LENG9: variants seen among roughly 807,000 people sequenced by gnomAD.
LENG9 encodes leukocyte receptor cluster (LRC) member 9.
For synonymous variants in LENG9, 410 were observed against 303.9 expected, an observed-to-expected ratio of 1.35 and a Z score of -3.63; for missense variants, 872 against 652.7, an observed-to-expected ratio of 1.34 and a Z score of -3.66.
rs1310374518 is a variant in LENG9 at position 54,462,521 on chromosome 19, G to C, written c.1006C>G (p.Gln336Glu). ...AGGGCCAGGGTCAGGTGTAGGTTCT[G>C]AGAGGGCACTAGGAAGTTGGCGCAG... ...PHCANFLVPS[Q>E]NLHLTLALLR... The change falls in exon 1 of 1, where the codon CAG (glutamine) becomes GAG (glutamate). Residue 336 changes from glutamine (Q) to glutamate (E), a missense_variant. Physicochemically the swap from Gln to Glu is conservative, Grantham distance 29 (BLOSUM62 2). Coordinates refer to ENST00000611161, the MANE Select transcript of LENG9 (RefSeq NM_001301782.2). 1.2e-6 allele frequency: 2 copies of C among 1,613,640 alleles called. No homozygotes were observed. The highest frequency in any genetic ancestry group is 8.5e-7 in the Non-Finnish European group (1 of 1,180,022).
chr19:54,462,571 T>TC lies in LENG9; in HGVS notation c.955dup (p.Glu319GlyfsTer60), dbSNP rs1461222418. The TC allele has an allele frequency of 6.2e-7, 1 of 1,613,766 alleles. No individual in the cohort carries two copies. The highest frequency in any genetic ancestry group is 8.5e-7 in the Non-Finnish European group (1 of 1,180,020). ...GTGTGGGGCCACGTGGACCAGGTAT[T>TC]CCTGGGCCTTGGTCACTTCTGCTTG... is the stretch of plus-strand genomic sequence containing the variant. On this transcript the variant is annotated frameshift_variant, in exon 1 of 1. Coordinates refer to ENST00000611161, the MANE Select transcript of LENG9 (RefSeq NM_001301782.2). LOFTEE classifies it low-confidence loss of function (END_TRUNC).
rs773169327 is a variant in LENG9 at position 54,462,406 on chromosome 19, C to G, written c.1121G>C (p.Arg374Pro). The G allele has an allele frequency of 4.3e-6, 7 of 1,613,202 alleles. No homozygotes were observed. The African/African-American group carries it at 5.3e-5, about 12-fold the overall frequency. ...LLAPGLNAPP[R>P]LSFRKLVLLG... ...GAGGACCAGCTTTCTAAAGCTCAGCCGAGGGGGTGCATTTAGCCCCGGGGC... is the reference window on the plus strand; with the variant it reads ...GAGGACCAGCTTTCTAAAGCTCAGCGGAGGGGGTGCATTTAGCCCCGGGGC... Residue 374 changes from arginine to proline, a missense_variant, in exon 1 of 1, where the codon CGG becomes CCG. By Grantham distance (103) the Arg-to-Pro change is moderately radical. Coordinates refer to ENST00000611161, the MANE Select transcript of LENG9 (RefSeq NM_001301782.2).
chr19:54,463,060 G>A lies in LENG9; in HGVS notation c.467C>T (p.Pro156Leu), dbSNP rs368868996. Residue 156 changes from proline to leucine, a missense_variant, in exon 1 of 1, where the codon CCC becomes CTC. By Grantham distance (98) the Pro-to-Leu change is moderately conservative. Transcript: ENST00000611161. The stretch of plus-strand genomic sequence containing the variant: ...GGTGTTCGGTGCGTCCAGGATGGTG[G>A]GCCCGCGTCCCGCCGCCGAGCCAGA... The part of the protein sequence containing the change: ...FGSGSAAGRG[P>L]TILDAPNTEG... The A allele has an allele frequency of 2.6e-5, 41 of 1,601,724 alleles. No individual in the cohort carries two copies. The African/African-American group carries it at 4.3e-4, about 17-fold the overall frequency.
In LENG9 at chr19:54,462,933, T is replaced by G; in HGVS notation, c.594A>C (p.Thr198=). ...CCTCCACGCCTGGTTCCTGGTGCCC[T>G]GTGCAGAGCGGCCTTGTGCTCCCTC... ...PKRGSTRPLC[T]GHQEPGVEEP... Residue 198 remains threonine (T), a synonymous_variant, in exon 1 of 1, where the codon ACA becomes ACC. Coordinates refer to ENST00000611161, the MANE Select transcript of LENG9 (RefSeq NM_001301782.2). 2 of 1,612,026 alleles carry G rather than the reference T, an allele frequency of 1.2e-6. No individual in the cohort carries two copies. The highest frequency in any genetic ancestry group is 1.7e-6 in the Non-Finnish European group (2 of 1,179,930).
chr19:54,462,814 G>C lies in LENG9; in HGVS notation c.713C>G (p.Thr238Ser), dbSNP rs1265135096. The C allele has an allele frequency of 1.3e-6, 2 of 1,553,580 alleles. No individual in the cohort carries two copies. Among genetic ancestry groups the C allele is most frequent in the Non-Finnish European group, 1.7e-6 (2 of 1,146,626 alleles). Residue 238 changes from threonine to serine, a missense_variant, in exon 1 of 1, where the codon ACT becomes AGT. Physicochemically the swap from Thr to Ser is moderately conservative, Grantham distance 58. Coordinates refer to ENST00000611161, the MANE Select transcript of LENG9 (RefSeq NM_001301782.2). ...GGCTGCTGTTGGCTTCAGTGCCTCAGTCACTCCGGCGAGGCGTCCTCTTGG... is the reference window on the plus strand; with the variant it reads ...GGCTGCTGTTGGCTTCAGTGCCTCACTCACTCCGGCGAGGCGTCCTCTTGG... The part of the protein sequence containing the change: ...LAPRGRLAGV[T>S]EALKPTAATR...
chr19:54,462,294 C>A lies in LENG9; in HGVS notation c.1233G>T (p.Gly411=). The change falls in exon 1 of 1, where the codon GGG becomes GGT. Residue 411 remains glycine (G), a synonymous_variant. Transcript: ENST00000611161. ...QVLSQRLEAE[G]LSTLQSPGQL... is the part of the protein sequence containing the mutation. ...GCCCTGGAGACTGTAGTGTACTCAG[C>A]CCCTCGGCTTCCAGCCTCTGGCTCA... 1 of 1,602,280 alleles carries A rather than the reference C, an allele frequency of 6.2e-7. No homozygotes were observed.
chr19:54,462,885 G>A lies in LENG9; in HGVS notation c.642C>T (p.Ala214=), dbSNP rs34567277. ...CAGCTGTGCCCAGCGCCCTCTCCTG[G>A]GCCGCCTCCAGCTCTCCGGGTTCCT... is the stretch of plus-strand genomic sequence containing the variant. ...GVEEPGELEA[A]QERALGTAAD... Residue 214 remains alanine, a synonymous_variant, in exon 1 of 1, where the codon GCC becomes GCT. Transcript: ENST00000611161. 0.014 allele frequency: 23,333 copies of A among 1,612,632 alleles called. 679 individuals are homozygous for A. Among genetic ancestry groups the A allele is most frequent in the African/African-American group, 0.12 (8,857 of 74,986 alleles).
chr19:54,463,093 A>G lies in LENG9; in HGVS notation c.434T>C (p.Val145Ala), dbSNP rs1359857236. Residue 145 changes from valine (V) to alanine (A), a missense_variant, in exon 1 of 1, where the codon GTC (valine) becomes GCC (alanine). By Grantham distance (64) the Val-to-Ala change is moderately conservative (BLOSUM62 0). Coordinates refer to ENST00000611161, the MANE Select transcript of LENG9 (RefSeq NM_001301782.2). ...TCCCGCCGCCGAGCCAGAGCCAAAG[A>G]CGAGGTCGGTGCGCGAGGCGCGGTC... Reference protein sequence around the residue: ...VWDRASRTDLVFGSGSAAGRG... With the variant: ...VWDRASRTDLAFGSGSAAGRG... 1 of 1,602,676 alleles carries G rather than the reference A, an allele frequency of 6.2e-7. No homozygotes were observed. The highest frequency in any genetic ancestry group is 8.5e-7 in the Non-Finnish European group (1 of 1,179,402).
Position 54,463,221 on chromosome 19 carries a change from G to A in LENG9, c.306C>T (p.Ser102=), listed in dbSNP as rs1360105625. The change falls in exon 1 of 1, where the codon AGC becomes AGT. Residue 102 remains serine, a synonymous_variant. Transcript: ENST00000611161. ...RFLGVREEPF[S]AFCWDQPLAA... ...CCAGCGGCTGGTCCCAGCAAAAGGC[G>A]CTGAAGGGCTCCTCGCGCACACCCA... 5.2e-6 allele frequency: 8 copies of A among 1,549,738 alleles called. No homozygotes were observed. Among genetic ancestry groups the A allele is most frequent in the African/African-American group, 4.1e-5 (3 of 73,510 alleles).
Position 54,462,154 on chromosome 19 carries a change from C to A in LENG9, c.1373G>T (p.Trp458Leu). The change falls in exon 1 of 1, where the codon TGG (tryptophan) becomes TTG (leucine). Residue 458 changes from tryptophan (W) to leucine (L), a missense_variant. Transcript: ENST00000611161. Reference sequence around the variant, plus strand: ...CCCTGTCCTCCCTATACGGCACAGCCAGAGTGTCTGCAGGGGCTGGCACCC... The same window carrying A: ...CCCTGTCCTCCCTATACGGCACAGCAAGAGTGTCTGCAGGGGCTGGCACCC... ...EVGCQPLQTL[W>L]LCRIGRTGGP... The A allele has an allele frequency of 6.2e-7, 1 of 1,608,236 alleles. No individual in the cohort carries two copies. Among genetic ancestry groups the A allele is most frequent in the Non-Finnish European group, 8.5e-7 (1 of 1,176,658 alleles).
At position 54,462,546 on chromosome 19, in the gene LENG9, G is replaced by A. The variant is rs1211491799; in HGVS notation, c.981C>T (p.His327=). 3.7e-6 allele frequency: 6 copies of A among 1,613,728 alleles called. No homozygotes were observed. The highest frequency in any genetic ancestry group is 5.1e-6 in the Non-Finnish European group (6 of 1,180,036). Residue 327 remains histidine, a synonymous_variant, in exon 1 of 1, where the codon CAC becomes CAT. Transcript: ENST00000611161. The part of the protein sequence containing the change: ...AQEYLVHVAP[H]CANFLVPSQN... The stretch of plus-strand genomic sequence containing the variant: ...GAGAGGGCACTAGGAAGTTGGCGCA[G>A]TGTGGGGCCACGTGGACCAGGTATT...
rs769525860 is a variant in LENG9 at position 54,463,233 on chromosome 19, C to T, written c.294G>A (p.Glu98=). Residue 98 remains glutamate, a synonymous_variant, in exon 1 of 1, where the codon GAG becomes GAA. Transcript: ENST00000611161. ...CCCAGCAAAAGGCGCTGAAGGGCTC[C>T]TCGCGCACACCCAGAAAGCGGTCGA... ...GYVDRFLGVR[E]EPFSAFCWDQ... 1.3e-6 allele frequency: 2 copies of T among 1,546,120 alleles called. No homozygotes were observed. The highest frequency in any genetic ancestry group is 2.4e-5 in the South Asian group (2 of 84,988).
Position 54,463,230 on chromosome 19 carries a change from C to T in LENG9, c.297G>A (p.Glu99=). Reference sequence around the variant, plus strand: ...GGTCCCAGCAAAAGGCGCTGAAGGGCTCCTCGCGCACACCCAGAAAGCGGT... The same window carrying T: ...GGTCCCAGCAAAAGGCGCTGAAGGGTTCCTCGCGCACACCCAGAAAGCGGT... The part of the protein sequence containing the change: ...YVDRFLGVRE[E]PFSAFCWDQP... Residue 99 remains glutamate, a synonymous_variant, in exon 1 of 1, where the codon GAG becomes GAA. Coordinates refer to ENST00000611161, the MANE Select transcript of LENG9 (RefSeq NM_001301782.2). 2 of 1,546,694 alleles carry T rather than the reference C, an allele frequency of 1.3e-6. No individual in the cohort carries two copies. Among genetic ancestry groups the T allele is most frequent in the Non-Finnish European group, 1.7e-6 (2 of 1,152,332 alleles).
Position 54,462,271 on chromosome 19 carries a change from C to A in LENG9, c.1256G>T (p.Gly419Val). Residue 419 changes from glycine to valine, a missense_variant, in exon 1 of 1, where the codon GGG becomes GTG. Physicochemically the swap from Gly to Val is moderately radical, Grantham distance 109. Coordinates refer to ENST00000611161, the MANE Select transcript of LENG9 (RefSeq NM_001301782.2). The part of the protein sequence containing the change: ...AEGLSTLQSP[G>V]QLHPHLTVAK... ...CACGGTGAGGTGGGGGTGCAGCTGCCCTGGAGACTGTAGTGTACTCAGCCC... is the reference window on the plus strand; with the variant it reads ...CACGGTGAGGTGGGGGTGCAGCTGCACTGGAGACTGTAGTGTACTCAGCCC... 1 of 1,608,508 alleles carries A rather than the reference C, an allele frequency of 6.2e-7. No individual in the cohort carries two copies. Among genetic ancestry groups the A allele is most frequent in the Non-Finnish European group, 8.5e-7 (1 of 1,176,802 alleles).
At position 54,462,124 on chromosome 19, in the gene LENG9, G is replaced by C. The variant is rs1050610202; in HGVS notation, c.1403C>G (p.Pro468Arg). The C allele has an allele frequency of 5.7e-6, 9 of 1,579,128 alleles. No homozygotes were observed. Among genetic ancestry groups the C allele is most frequent in the African/African-American group, 2.7e-5 (2 of 73,958 alleles). Residue 468 changes from proline (P) to arginine (R), a missense_variant, in exon 1 of 1, where the codon CCT becomes CGT. By Grantham distance (103) the Pro-to-Arg change is moderately radical. Coordinates refer to ENST00000611161, the MANE Select transcript of LENG9 (RefSeq NM_001301782.2). ...WLCRIGRTGG[P>R]FQPLAEIPLE ...GGGGATCTCAGCCAGGGGCTGGAAA[G>C]GCCCCCCTGTCCTCCCTATACGGCA... is the stretch of plus-strand genomic sequence containing the variant.
Position 54,461,745 on chromosome 19 carries a change from TC to T in LENG9, c.*344del. The T allele has an allele frequency of 1.9e-6, 1 of 530,652 alleles. No individual in the cohort carries two copies. The highest frequency in any genetic ancestry group is 1.5e-5 in the South Asian group (1 of 65,034). 32.9% of individuals were successfully genotyped at this position (530,652 alleles called of 1,614,324 possible). ...GCTCACGTCATGTTGCCTTCTCTTT[TC>T]TTTGTGTGTGTGTTTATTTAAGTTA... On this transcript the variant is annotated 3_prime_UTR_variant, in exon 1 of 1. Coordinates refer to ENST00000611161, the MANE Select transcript of LENG9 (RefSeq NM_001301782.2).
Position 54,462,721 on chromosome 19 carries a change from G to GT in LENG9, c.805dup (p.Thr269AsnfsTer20). Reference sequence around the variant, plus strand: ...CGCAGGACCCCACTCGGCTTCTGTCGTCTCAGCGGAGCCCCCCGGGACTCC... The same window carrying GT: ...CGCAGGACCCCACTCGGCTTCTGTCGTTCTCAGCGGAGCCCCCCGGGACTCC... On this transcript the variant is annotated frameshift_variant, in exon 1 of 1. Transcript: ENST00000611161. LOFTEE classifies it low-confidence loss of function (END_TRUNC). 1 of 1,610,680 alleles carries GT rather than the reference G, an allele frequency of 6.2e-7. No individual in the cohort carries two copies. The highest frequency in any genetic ancestry group is 8.5e-7 in the Non-Finnish European group (1 of 1,179,992).
At position 54,462,082 on chromosome 19, in the gene LENG9, T is replaced by C; in HGVS notation, c.*8A>G. The stretch of plus-strand genomic sequence containing the variant: ...GCATCCATTGTCTCCTCCAGAGGTC[T>C]GGGGGTGTCACTCCAGGGGGATCTC... On this transcript the variant is annotated 3_prime_UTR_variant, in exon 1 of 1. Coordinates refer to ENST00000611161, the MANE Select transcript of LENG9 (RefSeq NM_001301782.2). 1 of 1,558,378 alleles carries C rather than the reference T, an allele frequency of 6.4e-7. No homozygotes were observed. Among genetic ancestry groups the C allele is most frequent in the Non-Finnish European group, 8.7e-7 (1 of 1,153,550 alleles).
At position 54,462,205 on chromosome 19, in the gene LENG9, A is replaced by C. The variant is rs746679553; in HGVS notation, c.1322T>G (p.Leu441Arg). The C allele has an allele frequency of 5.6e-6, 9 of 1,613,566 alleles. 1 individual carries two copies. In the African/African-American group the frequency reaches 6.7e-5, roughly 12 times the overall value. The change falls in exon 1 of 1, where the codon CTG (leucine) becomes CGG (arginine). Residue 441 changes from leucine (L) to arginine (R), a missense_variant. Transcript: ENST00000611161. The part of the protein sequence containing the change: ...PHGSQVHLPK[L>R]EFTLSQEVGC... ...CACTTCCTGGCTGAGGGTGAACTCC[A>C]GCTTGGGGAGGTGGACCTGGGAACC... is the stretch of plus-strand genomic sequence containing the variant.
Sources: allele counts gnomAD v4.1 joint callset, GRCh38; gene constraint gnomAD v4.1.1; transcripts MANE v1.5; gene names NCBI Gene and HGNC (gene_info 2026-07-23, HGNC 2026-07-21).